The following IL18 variants were observed in gnomAD, a reference collection of about 807,000 sequenced individuals.
The protein encoded by IL18 is interleukin 18, also known as interleukin-18.
A neutral mutation model predicts 14.2 loss-of-function variants in IL18; 8 were observed. That is an observed-to-expected ratio of 0.56 (90% CI 0.33 to 1.01). The LOEUF (loss-of-function observed/expected upper bound fraction) is 1.01. IL18 is among the 50% of genes least tolerant of loss of function. IL18 has a pLI of 0.03. For missense variants in IL18, 166 were observed against 231.1 expected, an observed-to-expected ratio of 0.72 and a Z score of 1.83; for synonymous variants, 67 against 71.0, an observed-to-expected ratio of 0.94 and a Z score of 0.28.
chr11:112,147,195 G>T (rs370175030), intron 5 of IL18, among the ~76,000 whole-genome samples: 1 of 152,134 alleles, frequency 6.6e-6, no homozygotes, highest in Non-Finnish European at 1.5e-5. Flanking sequence ...CTCCCAAAGT[G>T]CTGGGATTAC....
intron 2 of IL18, among the ~76,000 whole-genome samples, 194 bp downstream of exon 2, chr11:112,154,781 G>A (rs531850173): frequency 4.6e-5 from 7 of 152,276 alleles, no homozygotes; most frequent in South Asian, 2.1e-4. Context: ...GCCAGGACAC[G>A]TGGTGTGACA....
In IL18 at chr11:112,153,611, G is replaced by A; in HGVS notation, c.80-8C>T. 1 of 1,546,866 alleles carries A rather than the reference G, an allele frequency of 6.5e-7. No individual in the cohort carries two copies. Among genetic ancestry groups the A allele is most frequent in the South Asian group, 1.2e-5 (1 of 84,312 alleles). On this transcript the variant is annotated splice_polypyrimidine_tract_variant and splice_region_variant and intron_variant, in intron 2 of 5. Transcript: ENST00000280357. ...CTTTACCATCATCTTCAGCTAAGAG[G>A]GGGAAAAAGAGAGAAACAGAATATG... is the stretch of plus-strand genomic sequence containing the variant.
At chr11:112,153,349 T>C in intron 3 of IL18, 1 of 379,000 alleles carries the variant, frequency 2.6e-6, no homozygotes, top group Middle Eastern at 7.2e-4. Context: ...AAGTCTATTT[T>C]GTAGATTCTA....
At chr11:112,163,503 T>G (rs1265090503) in intron 1 of IL18, among the ~76,000 whole-genome samples, 2 of 152,184 alleles carry the variant, frequency 1.3e-5, no homozygotes, top group Non-Finnish European at 2.9e-5. Context: ...ATAGTCTGAA[T>G]GCAAAGCAGA....
At chr11:112,159,604 C>T (rs1361843363) in intron 1 of IL18, among the ~76,000 whole-genome samples, 1 of 152,046 alleles carries the variant, frequency 6.6e-6, no homozygotes, top group African/African-American at 2.4e-5. Flanking sequence ...GAAAAAAGAA[C>T]GAAAATACAG....
At chr11:112,161,152 AACAG>A (rs1866625021) in intron 1 of IL18, among the ~76,000 whole-genome samples, 1 of 152,186 alleles carries the variant, frequency 6.6e-6, no homozygotes, top group South Asian at 2.1e-4. Context: ...TGTTCTTTAA[AACAG>A]ACATAAAAAT....
chr11:112,151,374 T>C (rs1675380739), intron 3 of IL18, among the ~76,000 whole-genome samples: 2 of 152,192 alleles, frequency 1.3e-5, no homozygotes, highest in Admixed American at 6.5e-5. Flanking sequence ...GAAAGGAGTG[T>C]AGAAATATTG....
chr11:112,147,960 G>A (rs537109335), intron 5 of IL18, among the ~76,000 whole-genome samples: 1 of 152,048 alleles, frequency 6.6e-6, no homozygotes, highest in African/African-American at 2.4e-5. Context: ...AAATAATAGA[G>A]AATAATAATG....
rs5744272 is a variant in IL18, at chr11:112,146,639, T to G, written c.360+1964A>C. Among the ~76,000 whole-genome samples, 773 of 152,132 alleles carry G rather than the reference T, an allele frequency of 5.1e-3. 4 individuals are homozygous for G. The highest frequency in any genetic ancestry group is 8.6e-3 in the Non-Finnish European group (586 of 67,968). ...GTGCCTGGCCTGTTGTATCTTATTA[T>G]CTAGAACCTAGGCCACTTTTATAAC... On this transcript the variant is annotated intron_variant, in intron 5 of 5. Coordinates refer to ENST00000280357, the MANE Select transcript of IL18 (RefSeq NM_001562.4).
intron 5 of IL18, among the ~76,000 whole-genome samples, chr11:112,146,773 G>A (rs1036671571): frequency 6.6e-6 from 1 of 150,562 alleles, no homozygotes; most frequent in Admixed American, 6.6e-5. Context: ...TATTTATTGA[G>A]TTCCTTCCAG....
At chr11:112,145,739 A>G (rs1341793447) in intron 5 of IL18, among the ~76,000 whole-genome samples, 1 of 150,642 alleles carries the variant, frequency 6.6e-6, no homozygotes, top group Non-Finnish European at 1.5e-5. Flanking sequence ...ACTCCGTTTC[A>G]AAAAAAAAGA....
intron 1 of IL18, among the ~76,000 whole-genome samples, chr11:112,160,433 A>T (rs567003083): frequency 5.3e-5 from 8 of 151,894 alleles, no homozygotes; most frequent in Admixed American, 2.0e-4. Flanking sequence ...CTCTCCTCAG[A>T]GTCCTACCTC....
At chr11:112,148,170 A>G (rs970302755) in intron 5 of IL18, among the ~76,000 whole-genome samples, 1 of 152,244 alleles carries the variant, frequency 6.6e-6, no homozygotes, top group Admixed American at 6.5e-5. Context: ...GGATTAAAAT[A>G]TTATCATAAT....
At chr11:112,150,352 T>A (rs574562540) in intron 3 of IL18, 146 bp from the exon 4 acceptor site, 1 of 595,004 alleles carries the variant, frequency 1.7e-6, no homozygotes, top group Admixed American at 3.0e-5. Context: ...CTATTGTTTT[T>A]TAACCTACTC....
At chr11:112,145,323 G>C (rs1866317425) in intron 5 of IL18, among the ~76,000 whole-genome samples, 2 of 152,192 alleles carry the variant, frequency 1.3e-5, no homozygotes, top group Non-Finnish European at 2.9e-5. Context: ...TTTAGGAAGA[G>C]ACCCTAAGCT....
intron 1 of IL18, among the ~76,000 whole-genome samples, chr11:112,160,642 G>A (rs543408619): frequency 2.0e-5 from 3 of 152,236 alleles, no homozygotes; most frequent in Admixed American, 2.0e-4. Context: ...AGTTTGCTAT[G>A]ATAAACCTTG....
chr11:112,145,802 T>G (rs1866331498), intron 5 of IL18, among the ~76,000 whole-genome samples: 1 of 152,006 alleles, frequency 6.6e-6, no homozygotes, highest in South Asian at 2.1e-4. Flanking sequence ...AGAGTGTGGA[T>G]AGGTAGAACA....
intron 1 of IL18, among the ~76,000 whole-genome samples, chr11:112,156,822 T>C (rs899896731): frequency 1.3e-5 from 2 of 151,376 alleles, no homozygotes; most frequent in Non-Finnish European, 2.9e-5. Context: ...TTTAAATATT[T>C]ATCAAACATT....
intron 1 of IL18, among the ~76,000 whole-genome samples, chr11:112,157,782 A>T (rs1866558906): frequency 6.6e-6 from 1 of 152,200 alleles, no homozygotes; most frequent in Non-Finnish European, 1.5e-5. Flanking sequence ...TTTTACCATA[A>T]ATAAGGCAAA....
Sources: allele counts gnomAD v4.1 joint callset (sites outside exome capture counted in the v4.1 genomes callset), GRCh38; gene constraint gnomAD v4.1.1; transcripts MANE v1.5; gene names NCBI Gene and HGNC (gene_info 2026-07-23, HGNC 2026-07-21).